PRKCB: variants seen among roughly 807,000 people sequenced by gnomAD.
PRKCB encodes the protein protein kinase C beta type.
A neutral mutation model predicts 81.5 loss-of-function variants in PRKCB; 13 were observed. The observed-to-expected ratio is 0.16, with a 90% CI of 0.10 to 0.25. The LOEUF is 0.25. Ranked by LOEUF, PRKCB falls within the 10% of genes least tolerant of loss-of-function variation. The probability of loss-of-function intolerance (pLI) is 1.00; values close to 1 mark genes in which losing one functional copy is unlikely to be tolerated. For missense variants in PRKCB, 509 were observed against 875.7 expected (o/e 0.58, Z 5.29); for synonymous variants, 335 against 321.4 (o/e 1.04, Z -0.45).
intron 5 of PRKCB, among the ~76,000 whole-genome samples, chr16:24,078,223 G>A (rs1470709396): frequency 6.6e-6 from 1 of 152,232 alleles, no homozygotes; most frequent in African/African-American, 2.4e-5. Flanking sequence ...AGCCATGTCT[G>A]CAGCCGCTGC....
chr16:24,076,488 A>G (rs1387700063), intron 5 of PRKCB, among the ~76,000 whole-genome samples: 1 of 152,214 alleles, frequency 6.6e-6, no homozygotes, highest in Non-Finnish European at 1.5e-5. Context: ...AGAAGCTTTC[A>G]GAACTGAGAA....
chr16:23,925,063 G>A (rs957184370), intron 2 of PRKCB, among the ~76,000 whole-genome samples: 1 of 151,994 alleles, frequency 6.6e-6, no homozygotes, highest in Non-Finnish European at 1.5e-5. Flanking sequence ...CCATTGATTG[G>A]CACATCTGGG....
intron 5 of PRKCB, among the ~76,000 whole-genome samples, chr16:24,087,463 C>T (rs1365973365): frequency 2.0e-5 from 3 of 152,194 alleles, no homozygotes; most frequent in Non-Finnish European, 2.9e-5. Flanking sequence ...TTGCACACAT[C>T]CTCAGGCTGA....
chr16:24,175,421 A>T, intron 12 of PRKCB, among the ~76,000 whole-genome samples: 1 of 134,570 alleles, frequency 7.4e-6, no homozygotes, highest in South Asian at 2.7e-4. Flanking sequence ...GAAGTGAATA[A>T]AACAGATGAA....
At chr16:24,202,030 C>A (rs1227995509) in intron 16 of PRKCB, among the ~76,000 whole-genome samples, 1 of 134,742 alleles carries the variant, frequency 7.4e-6, no homozygotes, top group Non-Finnish European at 1.6e-5. Flanking sequence ...AGCGAGACTC[C>A]GTCTCAAAAA....
intron 9 of PRKCB, among the ~76,000 whole-genome samples, chr16:24,152,411 G>A (rs1327647380): frequency 6.6e-6 from 1 of 152,200 alleles, no homozygotes; most frequent in Non-Finnish European, 1.5e-5. Flanking sequence ...AGATTTGGGT[G>A]GGGACACAGC....
In PRKCB at chr16:23,908,020, C is replaced by G. The variant is rs370770469; in HGVS notation, c.205+70614C>G. On this transcript the variant is annotated intron_variant, in intron 2 of 16. Transcript: ENST00000643927. Reference sequence around the variant, plus strand: ...TGGGGGCAGCAGGAAGCACACGTGTCTATTCGGAGATTTGGGGCAGCAGGT... The same window carrying G: ...TGGGGGCAGCAGGAAGCACACGTGTGTATTCGGAGATTTGGGGCAGCAGGT... Among the ~76,000 whole-genome samples, 6 of 152,180 alleles carry G rather than the reference C, an allele frequency of 3.9e-5. No homozygotes were observed. The South Asian group carries it at 6.2e-4, about 16-fold the overall frequency.
intron 2 of PRKCB, among the ~76,000 whole-genome samples, chr16:23,910,301 T>C (rs1963631066): frequency 6.6e-6 from 1 of 152,100 alleles, no homozygotes; most frequent in African/African-American, 2.4e-5. Context: ...GAGCAAAGTT[T>C]CCCCAAGCGC....
chr16:24,171,529 C>T (rs1454472322), intron 10 of PRKCB, among the ~76,000 whole-genome samples: 1 of 152,014 alleles, frequency 6.6e-6, no homozygotes, highest in African/African-American at 2.4e-5. Flanking sequence ...ACATAAATAC[C>T]AAGAGACTGA....
At chr16:24,019,989 A>G (rs918327745) in intron 3 of PRKCB, among the ~76,000 whole-genome samples, 18 of 152,166 alleles carry the variant, frequency 1.2e-4, no homozygotes, top group African/African-American at 4.1e-4. Flanking sequence ...AGGTTATTTT[A>G]CCTTCGTCCA....
intron 9 of PRKCB, among the ~76,000 whole-genome samples, chr16:24,136,603 A>G (rs753026580): frequency 5.9e-5 from 9 of 152,156 alleles, no homozygotes; most frequent in Non-Finnish European, 1.5e-5. Context: ...CTCCATGTCT[A>G]ATTCTCACAT....
chr16:24,076,416 A>T (rs1304877457), intron 5 of PRKCB, among the ~76,000 whole-genome samples: 1 of 152,146 alleles, frequency 6.6e-6, no homozygotes, highest in Non-Finnish European at 1.5e-5. Flanking sequence ...CTGCTTCTTC[A>T]TCCATTCTCT....
chr16:23,987,365 C>A (rs550421720), intron 2 of PRKCB, among the ~76,000 whole-genome samples: 18 of 136,648 alleles, frequency 1.3e-4, no homozygotes, highest in Non-Finnish European at 2.4e-4. Context: ...TATTCTTTGC[C>A]TTGTAGTTTT....
chr16:23,836,212 G>A lies in PRKCB; in HGVS notation c.37G>A (p.Gly13Ser). ...DPAAGPPPSE[G>S]EESTVRFARK... ...GGCTGCGGGGCCGCCGCCGAGCGAG[G>A]GCGAGGAGAGCACCGTGCGCTTCGC... Residue 13 changes from glycine (G) to serine (S), a missense_variant, in exon 1 of 17, where the codon GGC (glycine) becomes AGC (serine). Physicochemically the swap from Gly to Ser is moderately conservative, Grantham distance 56. This residue lies in a region of PRKCB where 33 missense variants were observed against 21.9 expected (regional missense o/e 1.50). Coordinates refer to ENST00000643927, the MANE Select transcript of PRKCB (RefSeq NM_002738.7). The A allele has an allele frequency of 6.3e-7, 1 of 1,581,652 alleles. No homozygotes were observed. Among genetic ancestry groups the A allele is most frequent in the Non-Finnish European group, 8.6e-7 (1 of 1,165,704 alleles).
At chr16:23,887,951 T>C (rs1436014857) in intron 2 of PRKCB, among the ~76,000 whole-genome samples, 1 of 152,212 alleles carries the variant, frequency 6.6e-6, no homozygotes, top group Non-Finnish European at 1.5e-5. Context: ...TGTATGGTCC[T>C]GGCCTTTTTC....
At chr16:24,186,819 G>C (rs1292024593) in intron 15 of PRKCB, among the ~76,000 whole-genome samples, 4 of 152,230 alleles carry the variant, frequency 2.6e-5, no homozygotes, top group African/African-American at 9.6e-5. Flanking sequence ...CCTAAGGTTT[G>C]CACCTCAGCT....
At position 23,986,198 on chromosome 16, in the gene PRKCB, A is replaced by G. The variant is rs118043079; in HGVS notation, c.206-2310A>G. ...GTACTTGGACTGTCTTTCTTTGTCC[A>G]GTTTTCCCTTTTAGTGGTTTAAAAG... On this transcript the variant is annotated intron_variant, in intron 2 of 16. Coordinates refer to ENST00000643927, the MANE Select transcript of PRKCB (RefSeq NM_002738.7). Among the ~76,000 whole-genome samples the G allele has an allele frequency of 7.6e-3, 1,152 of 152,318 alleles. 13 individuals are homozygous for G. Among genetic ancestry groups the G allele is most frequent in the South Asian group, 0.018 (86 of 4,826 alleles).
At chr16:24,163,456 C>A (rs1329697860) in intron 10 of PRKCB, among the ~76,000 whole-genome samples, 1 of 152,318 alleles carries the variant, frequency 6.6e-6, no homozygotes. Flanking sequence ...GGAATAGACA[C>A]AGCCTTATGC....
chr16:24,102,293 A>C (rs1342014983), intron 7 of PRKCB, among the ~76,000 whole-genome samples: 2 of 152,240 alleles, frequency 1.3e-5, no homozygotes, highest in African/African-American at 2.4e-5. Context: ...CTTTTCCAAA[A>C]TAAAAGCCCT....
Sources: allele counts gnomAD v4.1 joint callset (sites outside exome capture counted in the v4.1 genomes callset), GRCh38; gene constraint gnomAD v4.1.1; regional missense constraint gnomAD v4.1.1; transcripts MANE v1.5; gene names NCBI Gene and HGNC (gene_info 2026-07-23, HGNC 2026-07-21).